The following AGMO variants were observed in gnomAD, a reference collection of about 807,000 sequenced individuals.
AGMO encodes glyceryl-ether monooxygenase.
A neutral mutation model predicts 60.2 loss-of-function variants in AGMO; 75 were observed. The observed-to-expected ratio is 1.25, with a 90% CI of 1.03 to 1.51. The LOEUF is 1.51. AGMO is among the 40% of genes most tolerant of loss of function. AGMO has a pLI of 0.00. For synonymous variants in AGMO, 261 were observed against 177.1 expected, an observed-to-expected ratio of 1.47 and a Z score of -3.76; for missense variants, 763 against 525.5, an observed-to-expected ratio of 1.45 and a Z score of -4.42.
intron 12 of AGMO, among the ~76,000 whole-genome samples, chr7:15,205,580 G>A (rs537286875): frequency 7.7e-4 from 117 of 152,190 alleles, no homozygotes; most frequent in African/African-American, 2.6e-3. Context: ...AAGTCATTTT[G>A]CTGAATGATA....
chr7:15,385,111 G>C (rs1330667216), intron 10 of AGMO, among the ~76,000 whole-genome samples: 3 of 152,140 alleles, frequency 2.0e-5, no homozygotes, highest in Admixed American at 2.0e-4. Flanking sequence ...CTGATGAAAA[G>C]TGTAATTTCC....
At chr7:15,126,681 G>A in the AGMO span, among the ~76,000 whole-genome samples, 398 of 152,108 alleles carry the variant, frequency 2.6e-3, no homozygotes, top group African/African-American at 9.1e-3. Flanking sequence ...GCATACCAAG[G>A]AAGAAAATCA....
chr7:15,255,973 G>C (rs1362217082), intron 12 of AGMO, among the ~76,000 whole-genome samples: 1 of 152,182 alleles, frequency 6.6e-6, no homozygotes, highest in East Asian at 1.9e-4. Context: ...AGATATCAGG[G>C]AGGTGAAGAT....
At chr7:15,341,889 T>C (rs1284345580) in intron 12 of AGMO, among the ~76,000 whole-genome samples, 1 of 151,846 alleles carries the variant, frequency 6.6e-6, no homozygotes, top group Non-Finnish European at 1.5e-5. Flanking sequence ...GTGAGACATA[T>C]TCACTATCAT....
intron 12 of AGMO, among the ~76,000 whole-genome samples, chr7:15,250,267 CCCA>C (rs1375178790): frequency 6.6e-6 from 1 of 152,052 alleles, no homozygotes; most frequent in Non-Finnish European, 1.5e-5. Flanking sequence ...TATTTATATT[CCCA>C]CTACTGTACA....
At chr7:15,267,817 C>T (rs548401793) in intron 12 of AGMO, among the ~76,000 whole-genome samples, 1 of 151,992 alleles carries the variant, frequency 6.6e-6, no homozygotes, top group African/African-American at 2.4e-5. Flanking sequence ...TTTCCCAAAA[C>T]GCTAAAGCAG....
At chr7:15,262,038 A>G (rs1461276164) in intron 12 of AGMO, among the ~76,000 whole-genome samples, 2 of 152,078 alleles carry the variant, frequency 1.3e-5, no homozygotes, top group East Asian at 3.9e-4. Flanking sequence ...AGCCAACATT[A>G]TCCTGAATGG....
the AGMO span, among the ~76,000 whole-genome samples, chr7:15,169,355 T>C: frequency 6.6e-6 from 1 of 152,208 alleles, no homozygotes; most frequent in African/African-American, 2.4e-5. Context: ...ATTACACCAT[T>C]AGTTCATATT....
chr7:15,258,303 CT>C (rs1279251244), intron 12 of AGMO, among the ~76,000 whole-genome samples: 2 of 151,732 alleles, frequency 1.3e-5, no homozygotes, highest in South Asian at 2.1e-4. Context: ...GTATACTTTT[CT>C]TTTTTTGGGG....
chr7:15,354,168 C>A lies in AGMO; in HGVS notation c.1263+11346G>T, dbSNP rs1371703417. 3.3e-5 allele frequency among the ~76,000 whole-genome samples: 5 copies of A among 151,340 alleles called. No homozygotes were observed. The East Asian group carries it at 1.0e-3, about 30-fold the overall frequency. On this transcript the variant is annotated intron_variant, in intron 12 of 12. Coordinates refer to ENST00000342526, the MANE Select transcript of AGMO (RefSeq NM_001004320.2). ...TTTTTAAAGGAGACCACAAATAAAT[C>A]ACCCCAAATGGCTTATTTTCACCTT... is the stretch of plus-strand genomic sequence containing the variant.
intron 12 of AGMO, among the ~76,000 whole-genome samples, chr7:15,279,079 C>T (rs1783885565): frequency 6.6e-6 from 1 of 152,158 alleles, no homozygotes; most frequent in African/African-American, 2.4e-5. Flanking sequence ...CTGTGAGATG[C>T]CACATGACCT....
At chr7:15,524,398 T>C (rs1198928111) in intron 3 of AGMO, among the ~76,000 whole-genome samples, 1 of 152,142 alleles carries the variant, frequency 6.6e-6, no homozygotes, top group African/African-American at 2.4e-5. Context: ...AAAATAATTA[T>C]GAAATGTTTG....
At chr7:15,533,215 T>C (rs1482996685) in intron 3 of AGMO, among the ~76,000 whole-genome samples, 1 of 152,174 alleles carries the variant, frequency 6.6e-6, no homozygotes, top group Admixed American at 6.6e-5. Context: ...TCCAAAGAGT[T>C]CCTGTTATGC....
intron 12 of AGMO, among the ~76,000 whole-genome samples, chr7:15,314,489 A>G (rs951006623): frequency 6.6e-6 from 1 of 152,160 alleles, no homozygotes; most frequent in African/African-American, 2.4e-5. Context: ...GGAAACAGTT[A>G]TATTGTACTT....
chr7:15,156,079 G>A, the AGMO span, among the ~76,000 whole-genome samples: 1 of 152,158 alleles, frequency 6.6e-6, no homozygotes, highest in African/African-American at 2.4e-5. Context: ...TAGTGCTCCA[G>A]TGAGGGGTGG....
At chr7:15,483,845 T>C (rs1562530063) in intron 3 of AGMO, among the ~76,000 whole-genome samples, 2 of 152,124 alleles carry the variant, frequency 1.3e-5, no homozygotes, top group Admixed American at 6.6e-5. Context: ...AAAATTTATA[T>C]AAAGATTCAG....
rs115047644 is a variant in AGMO at position 15,280,887 on chromosome 7, G to A, written c.1264-79528C>T. 7.6e-3 allele frequency among the ~76,000 whole-genome samples: 1,164 copies of A among 152,302 alleles called. 17 individuals are homozygous for A. Among genetic ancestry groups the A allele is most frequent in the African/African-American group, 0.027 (1,112 of 41,566 alleles). Reference sequence around the variant, plus strand: ...TATTTATAACCAAAGGATCTCTAATGTAGATAGAGTCTACATCACTCTCCT... The same window carrying A: ...TATTTATAACCAAAGGATCTCTAATATAGATAGAGTCTACATCACTCTCCT... On this transcript the variant is annotated intron_variant, in intron 12 of 12. Transcript: ENST00000342526.
At chr7:15,391,903 T>C (rs972860321) in intron 6 of AGMO, among the ~76,000 whole-genome samples, 1 of 152,000 alleles carries the variant, frequency 6.6e-6, no homozygotes, top group African/African-American at 2.4e-5. Context: ...GCACCGAACA[T>C]CCTCCACAAC....
At chr7:15,484,356 A>T (rs1054499709) in intron 3 of AGMO, among the ~76,000 whole-genome samples, 16 of 152,282 alleles carry the variant, frequency 1.1e-4, no homozygotes, top group Non-Finnish European at 2.1e-4. Flanking sequence ...CAAGTTCAAA[A>T]ATGGGAAAAT....
Sources: gnomAD v4.1 joint callset for allele counts (sites outside exome capture counted in the v4.1 genomes callset) on GRCh38, gnomAD v4.1.1 for gene constraint, MANE v1.5 for transcripts, NCBI Gene and HGNC (gene_info 2026-07-23, HGNC 2026-07-21) for gene names.